Variants in CAPN2 observed in about 807,000 individuals in gnomAD.
CAPN2 encodes calpain 2, also known as calpain-2 catalytic subunit.
A neutral mutation model predicts 102.3 loss-of-function variants in CAPN2; 92 were observed. The observed-to-expected ratio is 0.90, with a 90% CI of 0.76 to 1.07. The LOEUF is 1.07. Ranked by LOEUF, CAPN2 falls within the 50% of genes least tolerant of loss-of-function variation. The pLI is 0.00. For missense variants in CAPN2, 800 were observed against 909.4 expected (o/e 0.88, Z 1.55); for synonymous variants, 340 against 355.4 (o/e 0.96, Z 0.49).
At chr1:223,742,429 A>C (rs1660639787) in intron 2 of CAPN2, among the ~76,000 whole-genome samples, 1 of 151,052 alleles carries the variant, frequency 6.6e-6, no homozygotes, top group Non-Finnish European at 1.5e-5. Flanking sequence ...GTGAACTTCA[A>C]TAACATATAT....
At chr1:223,742,513 TA>T (rs1448531394) in intron 2 of CAPN2, among the ~76,000 whole-genome samples, 2 of 111,452 alleles carry the variant, frequency 1.8e-5, no homozygotes, top group African/African-American at 7.9e-5. Flanking sequence ...TATATATATA[TA>T]TATATTTTTT....
At chr1:223,729,632 G>T (rs962578157) in intron 2 of CAPN2, among the ~76,000 whole-genome samples, 6 of 152,166 alleles carry the variant, frequency 3.9e-5, no homozygotes, top group Non-Finnish European at 5.9e-5. Flanking sequence ...GGGGCTGGAG[G>T]GGGCTCCGAG....
At chr1:223,732,256 G>GGTGA (rs1477342283) in intron 2 of CAPN2, among the ~76,000 whole-genome samples, 28 of 152,188 alleles carry the variant, frequency 1.8e-4, no homozygotes, top group African/African-American at 6.7e-4. Context: ...AAGAATTCAG[G>GGTGA]GTGAGTCCAT....
At chr1:223,753,796 C>T (rs1375015202) in intron 9 of CAPN2, among the ~76,000 whole-genome samples, 1 of 152,156 alleles carries the variant, frequency 6.6e-6, no homozygotes, top group Non-Finnish European at 1.5e-5. Context: ...TATAGAATTA[C>T]CTTCAGCCTA....
In CAPN2 at chr1:223,756,072, T is replaced by C. The variant is rs1431984766; in HGVS notation, c.1305+423T>C. On this transcript the variant is annotated intron_variant, in intron 10 of 20. Transcript: ENST00000295006. The surrounding 1 kb of genome is among the most constrained non-coding windows in gnomAD (Gnocchi z 4.1). ...TCGGCAAAGTCATTGGCCTGGATGG[T>C]GGAGAGCTTGGGGACAGGGGAACAT... is the stretch of plus-strand genomic sequence containing the variant. Among the ~76,000 whole-genome samples, 1 of 152,216 alleles carries C rather than the reference T, an allele frequency of 6.6e-6. No homozygotes were observed. Among genetic ancestry groups the C allele is most frequent in the African/African-American group, 2.4e-5 (1 of 41,454 alleles).
intron 1 of CAPN2, among the ~76,000 whole-genome samples, chr1:223,702,377 A>T (rs1293401985): frequency 6.6e-6 from 1 of 152,072 alleles, no homozygotes; most frequent in Non-Finnish European, 1.5e-5. Flanking sequence ...CGGTAAGCTG[A>T]GATCGCACCA....
chr1:223,718,904 G>A (rs931848368), intron 2 of CAPN2, among the ~76,000 whole-genome samples: 1 of 152,186 alleles, frequency 6.6e-6, no homozygotes, highest in Non-Finnish European at 1.5e-5. Flanking sequence ...TGACCCCAGG[G>A]TATGTTTAAT....
chr1:223,732,447 C>G (rs527896513), intron 2 of CAPN2, among the ~76,000 whole-genome samples: 1 of 152,134 alleles, frequency 6.6e-6, no homozygotes, highest in Non-Finnish European at 1.5e-5. Context: ...TTTTAGATCA[C>G]GTAGGGTAAC....
At chr1:223,708,983 T>C (rs929676143), upstream of CAPN2, among the ~76,000 whole-genome samples, 7 of 152,068 alleles carry the variant, frequency 4.6e-5, no homozygotes, top group Non-Finnish European at 1.0e-4. Flanking sequence ...AGATTCTTCT[T>C]TTCTAGGGTA....
At chr1:223,729,621 A>T (rs150514167) in intron 2 of CAPN2, among the ~76,000 whole-genome samples, 34 of 152,296 alleles carry the variant, frequency 2.2e-4, no homozygotes, top group African/African-American at 6.7e-4. Flanking sequence ...GGGAAGGCAC[A>T]GGGGCTGGAG....
chr1:223,749,064 C>T lies in CAPN2; in HGVS notation c.755C>T (p.Ala252Val). ...ATCACCAGCGCCGCGGACTCGGAGG[C>T]CATCACGTTTCAGAAGCTGGTGAAG... Reference protein sequence around the residue: ...IDITSAADSEAITFQKLVKGH... With the variant: ...IDITSAADSEVITFQKLVKGH... The change falls in exon 6 of 21, where the codon GCC (alanine) becomes GTC (valine). Residue 252 changes from alanine to valine, a missense_variant. By Grantham distance (64) the Ala-to-Val change is moderately conservative. Coordinates refer to ENST00000295006, the MANE Select transcript of CAPN2 (RefSeq NM_001748.5). 1 of 1,614,088 alleles carries T rather than the reference C, an allele frequency of 6.2e-7. No homozygotes were observed. Among genetic ancestry groups the T allele is most frequent in the Non-Finnish European group, 8.5e-7 (1 of 1,179,944 alleles).
intron 16 of CAPN2, among the ~76,000 whole-genome samples, chr1:223,768,099 C>A (rs1661382298): frequency 6.6e-6 from 1 of 151,892 alleles, no homozygotes. Flanking sequence ...AGCCCTTTGT[C>A]AGATAAGCAG....
intron 2 of CAPN2, among the ~76,000 whole-genome samples, chr1:223,719,824 G>GTGTGTGTGTGTA: frequency 6.6e-6 from 1 of 151,588 alleles, no homozygotes; most frequent in East Asian, 1.9e-4. Flanking sequence ...GTGTGTGTGT[G>GTGTGTGTGTGTA]TGTGTGTGCG....
At chr1:223,769,146 G>T (rs962638395) in intron 16 of CAPN2, among the ~76,000 whole-genome samples, 1 of 152,056 alleles carries the variant, frequency 6.6e-6, no homozygotes, top group African/African-American at 2.4e-5. Context: ...TTGAGACGGG[G>T]TCTCACTGTG....
At position 223,755,355 on chromosome 1, in the gene CAPN2, C is replaced by T; in HGVS notation, c.1136-125C>T. ...CCCACCACCTCTTACCATCTCCCAC[C>T]ACCTCCCACCATCTCCCTTTATCTC... On this transcript the variant is annotated intron_variant, in intron 9 of 20. Coordinates refer to ENST00000295006, the MANE Select transcript of CAPN2 (RefSeq NM_001748.5). The surrounding 1 kb of genome is among the most constrained non-coding windows in gnomAD (Gnocchi z 4.1). 1 of 882,068 alleles carries T rather than the reference C, an allele frequency of 1.1e-6. No individual in the cohort carries two copies. The highest frequency in any genetic ancestry group is 1.6e-5 in the South Asian group (1 of 60,874). 54.6% of individuals were successfully genotyped at this position (882,068 alleles called of 1,614,324 possible). A position where few individuals can be genotyped will look rare whatever the true frequency, so the allele number is the denominator to read the frequency against.
At position 223,735,422 on chromosome 1, in the gene CAPN2, G is replaced by T. The variant is rs1411051154; in HGVS notation, c.308-8678G>T. ...GGGCGCCTGTAATCCCAGCTACTCA[G>T]GAGGCTGAGGCAGGAGAATTGCTTG... On this transcript the variant is annotated intron_variant, in intron 2 of 20. Coordinates refer to ENST00000295006, the MANE Select transcript of CAPN2 (RefSeq NM_001748.5). 2.0e-5 allele frequency among the ~76,000 whole-genome samples: 3 copies of T among 151,844 alleles called. No homozygotes were observed. The East Asian group carries it at 5.8e-4, about 29-fold the overall frequency.
chr1:223,770,080 A>T, intron 17 of CAPN2, 171 bp downstream of exon 17: 1 of 646,200 alleles, frequency 1.5e-6, no homozygotes, highest in Admixed American at 2.6e-5. Context: ...GCAAACAAAA[A>T]ACCAACCAGG....
At position 223,725,801 on chromosome 1, in the gene CAPN2, C is replaced by G. The variant is rs1487594728; in HGVS notation, c.307+7970C>G. Among the ~76,000 whole-genome samples the G allele has an allele frequency of 1.3e-5, 2 of 152,222 alleles. No homozygotes were observed. Among genetic ancestry groups the G allele is most frequent in the Admixed American group, 6.5e-5 (1 of 15,286 alleles). ...GCCCTTCAGTGCCAAGGAACGTGGACTCTCTCCTATCCCAGCACATACACG... is the reference window on the plus strand; with the variant it reads ...GCCCTTCAGTGCCAAGGAACGTGGAGTCTCTCCTATCCCAGCACATACACG... On this transcript the variant is annotated intron_variant, in intron 2 of 20. Transcript: ENST00000295006. The surrounding 1 kb of genome is among the most constrained non-coding windows in gnomAD (Gnocchi z 4.1).
At chr1:223,744,965 C>G (rs1660715775) in intron 3 of CAPN2, among the ~76,000 whole-genome samples, 1 of 151,346 alleles carries the variant, frequency 6.6e-6, no homozygotes, top group African/African-American at 2.4e-5. Flanking sequence ...GAATCACTTG[C>G]ATCCAGGAGG....
Sources: allele counts gnomAD v4.1 joint callset (sites outside exome capture counted in the v4.1 genomes callset), GRCh38; gene constraint gnomAD v4.1.1; non-coding constraint Gnocchi (gnomAD v3.1); transcripts MANE v1.5; gene names NCBI Gene and HGNC (gene_info 2026-07-23, HGNC 2026-07-21).